Variants in CEP128 observed in about 807,000 individuals in gnomAD.
CEP128 encodes the protein centrosomal protein 128kDa.
A neutral mutation model predicts 156.7 loss-of-function variants in CEP128; 132 were observed. That is an observed-to-expected ratio of 0.84 (90% CI 0.73 to 0.97). CEP128 has a LOEUF of 0.97. Ranked by LOEUF, CEP128 falls within the 50% of genes least tolerant of loss-of-function variation. The pLI, the probability that CEP128 is intolerant of heterozygous loss-of-function variation, is 0.00. For missense variants in CEP128, 1,252 were observed against 1,281.9 expected (o/e 0.98, Z 0.36); for synonymous variants, 469 against 448.9 (o/e 1.04, Z -0.57).
In CEP128 at chr14:80,857,734, CAAA is replaced by C. The variant is rs746111217; in HGVS notation, c.762+5020_762+5022del. Among the ~76,000 whole-genome samples, 271 of 83,176 alleles carry C rather than the reference CAAA, an allele frequency of 3.3e-3. 3 individuals are homozygous for C. The highest frequency in any genetic ancestry group is 0.012 in the Admixed American group (100 of 8,176). 54.6% of individuals were successfully genotyped at this position (83,176 alleles called of 152,430 possible). On this transcript the variant is annotated intron_variant, in intron 9 of 24. Coordinates refer to ENST00000555265, the MANE Select transcript of CEP128 (RefSeq NM_152446.5). ...CCTGGGCAACAGAGTGACCCCATCTCAAAAAAAAACAACAACAACAACAACAAC... is the reference window on the plus strand; with the variant it reads ...CCTGGGCAACAGAGTGACCCCATCTCAAAAAACAACAACAACAACAACAAC...
chr14:80,497,496 CT>C lies in CEP128; in HGVS notation c.3267del (p.Glu1090ArgfsTer16). The C allele has an allele frequency of 6.2e-7, 1 of 1,610,938 alleles. No individual in the cohort carries two copies. The highest frequency in any genetic ancestry group is 8.5e-7 in the Non-Finnish European group (1 of 1,177,778). On this transcript the variant is annotated frameshift_variant, in exon 25 of 25. Transcript: ENST00000555265. LOFTEE classifies it high-confidence loss of function. ...TMNGTSSQPK[K>X]EEYGS The stretch of plus-strand genomic sequence containing the variant: ...TTGCTTTTTTAGCTCCCATATTCCT[CT>C]TTTTTGGGTTGTGAACTTGTTCCAT...
chr14:80,948,730 G>A (rs1041094520), intron 2 of CEP128, among the ~76,000 whole-genome samples: 1 of 152,144 alleles, frequency 6.6e-6, no homozygotes, highest in Non-Finnish European at 1.5e-5. Context: ...GTGTTTAAGG[G>A]AACTGAGTGC....
At chr14:80,813,242 T>C (rs1595442506) in intron 13 of CEP128, among the ~76,000 whole-genome samples, 1 of 152,162 alleles carries the variant, frequency 6.6e-6, no homozygotes, top group East Asian at 1.9e-4. Flanking sequence ...CCAATTTTTG[T>C]TTTTGTTGCA....
chr14:80,942,916 A>G (rs191705490), upstream of CEP128, among the ~76,000 whole-genome samples: 3 of 152,288 alleles, frequency 2.0e-5, no homozygotes, highest in South Asian at 6.2e-4. Context: ...TTTCTGGCCA[A>G]CACTGAGACA....
chr14:80,597,399 T>C, intron 19 of CEP128, among the ~76,000 whole-genome samples: 1 of 152,124 alleles, frequency 6.6e-6, no homozygotes, highest in East Asian at 1.9e-4. Flanking sequence ...TAAATAGCCT[T>C]GTAACTATTC....
chr14:80,929,007 A>T (rs1444545756), intron 2 of CEP128, among the ~76,000 whole-genome samples: 2 of 152,166 alleles, frequency 1.3e-5, no homozygotes, highest in East Asian at 3.8e-4. Flanking sequence ...AGAATCTACA[A>T]GGAACTCAAA....
chr14:80,604,204 T>G (rs1432709202), intron 19 of CEP128, among the ~76,000 whole-genome samples: 1 of 152,132 alleles, frequency 6.6e-6, no homozygotes, highest in African/African-American at 2.4e-5. Context: ...CCCTCTTTGT[T>G]CAAAGACATC....
At chr14:80,919,750 C>A (rs1002634196) in intron 2 of CEP128, among the ~76,000 whole-genome samples, 2 of 151,972 alleles carry the variant, frequency 1.3e-5, no homozygotes, top group African/African-American at 4.8e-5. Context: ...TCATACAATA[C>A]AAGAAAAAAG....
intron 20 of CEP128, among the ~76,000 whole-genome samples, chr14:80,571,229 A>G (rs927540962): frequency 1.6e-4 from 25 of 152,202 alleles, no homozygotes; most frequent in African/African-American, 5.5e-4. Flanking sequence ...CACTGAGATC[A>G]TATCTGGCCT....
chr14:80,666,764 C>G (rs1895634421), intron 19 of CEP128, among the ~76,000 whole-genome samples: 1 of 146,462 alleles, frequency 6.8e-6, no homozygotes, highest in South Asian at 2.2e-4. Context: ...AAACAATAAA[C>G]CATGAGTCCA....
intron 2 of CEP128, among the ~76,000 whole-genome samples, chr14:80,937,980 T>C (rs1885909139): frequency 6.6e-6 from 1 of 151,786 alleles, no homozygotes; most frequent in Non-Finnish European, 1.5e-5. Flanking sequence ...CACTGCAGCC[T>C]CGACCTTCTG....
chr14:80,902,615 G>C (rs547598878), intron 6 of CEP128, among the ~76,000 whole-genome samples: 1 of 152,240 alleles, frequency 6.6e-6, no homozygotes, highest in South Asian at 2.1e-4. Flanking sequence ...AAAAATTACA[G>C]CTCTGCAGAG....
intron 19 of CEP128, among the ~76,000 whole-genome samples, chr14:80,736,353 C>T (rs949326547): frequency 6.6e-6 from 1 of 151,968 alleles, no homozygotes; most frequent in African/African-American, 2.4e-5. Context: ...GCACAAGGAG[C>T]TTTGCCTTAC....
intron 24 of CEP128, among the ~76,000 whole-genome samples, chr14:80,502,876 A>C (rs1021906004): frequency 6.6e-6 from 1 of 152,150 alleles, no homozygotes; most frequent in Non-Finnish European, 1.5e-5. Context: ...ACAAAAAATG[A>C]AGTATTCAGG....
At chr14:80,739,892 A>C (rs1318903901) in intron 19 of CEP128, among the ~76,000 whole-genome samples, 1 of 152,206 alleles carries the variant, frequency 6.6e-6, no homozygotes, top group Non-Finnish European at 1.5e-5. Flanking sequence ...TGTCATAAAC[A>C]ATATGTAAAC....
At chr14:80,546,138 C>A (rs1889973953) in intron 21 of CEP128, among the ~76,000 whole-genome samples, 1 of 152,182 alleles carries the variant, frequency 6.6e-6, no homozygotes, top group Non-Finnish European at 1.5e-5. Context: ...CCTTTCCAGT[C>A]CACACACTGC....
In CEP128 at chr14:80,905,951, T is replaced by C; in HGVS notation, c.361+4A>G. ...ATGTTTTTCAGAACATTTGAAGTGT[T>C]TACCTGACCCAGTGCCACCATCAAG... On this transcript the variant is annotated splice_donor_region_variant and intron_variant, in intron 5 of 24. Coordinates refer to ENST00000555265, the MANE Select transcript of CEP128 (RefSeq NM_152446.5). 1 of 1,610,922 alleles carries C rather than the reference T, an allele frequency of 6.2e-7. No individual in the cohort carries two copies. The highest frequency in any genetic ancestry group is 2.2e-5 in the East Asian group (1 of 44,784).
chr14:80,783,826 T>C (rs1406032295), intron 15 of CEP128, among the ~76,000 whole-genome samples: 1 of 152,152 alleles, frequency 6.6e-6, no homozygotes, highest in East Asian at 1.9e-4. Flanking sequence ...CAATGATGCA[T>C]CTTATAAGGT....
intron 19 of CEP128, among the ~76,000 whole-genome samples, chr14:80,608,491 C>A (rs1055725775): frequency 6.6e-6 from 1 of 152,202 alleles, no homozygotes; most frequent in Non-Finnish European, 1.5e-5. Context: ...TAAAATCAAT[C>A]ATTTCCCATT....
Sources: allele counts gnomAD v4.1 joint callset (sites outside exome capture counted in the v4.1 genomes callset), GRCh38; gene constraint gnomAD v4.1.1; transcripts MANE v1.5; gene names NCBI Gene and HGNC (gene_info 2026-07-23, HGNC 2026-07-21).